Variants in MEGF11 observed in about 807,000 individuals in gnomAD.
MEGF11 encodes the protein multiple EGF like domains 11.
In MEGF11, 126 loss-of-function variants were observed where a neutral mutation model predicts 146.6. The ratio of observed to expected loss-of-function variants is 0.86; its 90% CI spans 0.74 to 1.00. The LOEUF (loss-of-function observed/expected upper bound fraction) is 1.00, where lower values mean the gene tolerates loss of function less well. MEGF11 is among the 50% of genes least tolerant of loss of function. The pLI is 0.00. For missense variants in MEGF11, 1,509 were observed against 1,521.2 expected, an observed-to-expected ratio of 0.99 and a Z score of 0.13; for synonymous variants, 532 against 583.4, an observed-to-expected ratio of 0.91 and a Z score of 1.27.
At chr15:66,223,531 T>G (rs2091782657) in intron 1 of MEGF11, among the ~76,000 whole-genome samples, 1 of 152,184 alleles carries the variant, frequency 6.6e-6, no homozygotes, top group South Asian at 2.1e-4. Flanking sequence ...GAGACCAGCC[T>G]GGCCAACATG....
chr15:66,236,361 C>A (rs1488234844), intron 1 of MEGF11, among the ~76,000 whole-genome samples: 1 of 152,164 alleles, frequency 6.6e-6, no homozygotes, highest in Non-Finnish European at 1.5e-5. Flanking sequence ...TTCCGACAGG[C>A]AGGGACATGG....
chr15:66,048,898 G>A (rs2084336702), intron 5 of MEGF11, among the ~76,000 whole-genome samples: 1 of 152,322 alleles, frequency 6.6e-6, no homozygotes, highest in East Asian at 1.9e-4. Flanking sequence ...AGGCAGCCTT[G>A]GGAAGGGCAC....
chr15:66,216,271 G>A (rs550407437), intron 1 of MEGF11, among the ~76,000 whole-genome samples: 1 of 152,270 alleles, frequency 6.6e-6, no homozygotes, highest in African/African-American at 2.4e-5. Flanking sequence ...ATTATGCACT[G>A]TCCAATCTTG....
At chr15:66,187,878 G>A (rs899079) in intron 1 of MEGF11, among the ~76,000 whole-genome samples, 1 of 152,072 alleles carries the variant, frequency 6.6e-6, no homozygotes, top group Non-Finnish European at 1.5e-5. Flanking sequence ...ATAACTGAAC[G>A]GTGGTTATGG....
At chr15:66,014,246 A>G (rs769157965) in intron 5 of MEGF11, among the ~76,000 whole-genome samples, 2 of 152,246 alleles carry the variant, frequency 1.3e-5, no homozygotes, top group Non-Finnish European at 2.9e-5. Flanking sequence ...TCACTGGATT[A>G]GGGCCCACAC....
intron 1 of MEGF11, among the ~76,000 whole-genome samples, chr15:66,166,208 G>A (rs898746710): frequency 1.3e-5 from 2 of 152,032 alleles, no homozygotes; most frequent in African/African-American, 4.8e-5. Context: ...TGCTCTCCCC[G>A]CCCAGGGTTT....
At chr15:66,181,552 T>C (rs1395385092) in intron 1 of MEGF11, among the ~76,000 whole-genome samples, 1 of 110,216 alleles carries the variant, frequency 9.1e-6, no homozygotes, top group African/African-American at 3.9e-5. Context: ...CCCAATTTCC[T>C]GAATACCAGG....
rs1248814365 is a variant in MEGF11 at position 65,930,909 on chromosome 15, G to T, written c.1322C>A (p.Thr441Asn). The change falls in exon 11 of 26, where the codon ACC becomes AAC. Residue 441 changes from threonine (T) to asparagine (N), a missense_variant. Thr to Asn is a moderately conservative substitution (Grantham distance 65). Coordinates refer to ENST00000395614, the MANE Select transcript of MEGF11 (RefSeq NM_001385028.1). ...GATGGACGAGCAGTTGGGGCCATAG[G>T]TCCCTGCTGCACAGGAAACGGCACA... ...EVCAVSCAAG[T>N]YGPNCSSICS... 1 of 1,610,704 alleles carries T rather than the reference G, an allele frequency of 6.2e-7. No homozygotes were observed. The highest frequency in any genetic ancestry group is 8.5e-7 in the Non-Finnish European group (1 of 1,178,058).
Position 66,060,014 on chromosome 15 carries a change from G to C in MEGF11, c.394+34388C>G, listed in dbSNP as rs369999895. Among the ~76,000 whole-genome samples the C allele has an allele frequency of 7.9e-5, 12 of 152,140 alleles. No homozygotes were observed. In the East Asian group the frequency reaches 1.9e-3, roughly 25 times the overall value. ...GGGACAGGTCAGGCAGTGGGTGGGG[G>C]AGCATTAGGATTGTGGGATGGGGGC... is the stretch of plus-strand genomic sequence containing the variant. On this transcript the variant is annotated intron_variant, in intron 5 of 25. Transcript: ENST00000395614.
intron 1 of MEGF11, among the ~76,000 whole-genome samples, chr15:66,217,044 T>C (rs1477697952): frequency 6.6e-6 from 1 of 152,244 alleles, no homozygotes; most frequent in Non-Finnish European, 1.5e-5. Flanking sequence ...AACTTCTCTT[T>C]CTGCTCCTTT....
intron 4 of MEGF11, among the ~76,000 whole-genome samples, chr15:66,114,945 C>T (rs1325087588): frequency 6.6e-6 from 1 of 152,210 alleles, no homozygotes; most frequent in Admixed American, 6.5e-5. Flanking sequence ...TGTTCCATCT[C>T]TTCCTCCTTC....
chr15:66,115,087 C>A (rs2087657312), intron 4 of MEGF11, among the ~76,000 whole-genome samples: 1 of 152,186 alleles, frequency 6.6e-6, no homozygotes, highest in African/African-American at 2.4e-5. Flanking sequence ...TGTCAGCCTG[C>A]AAGAAACAAG....
chr15:66,215,506 G>C (rs963164011), intron 1 of MEGF11, among the ~76,000 whole-genome samples: 4 of 152,182 alleles, frequency 2.6e-5, no homozygotes, highest in Non-Finnish European at 5.9e-5. Context: ...ATGACTGATA[G>C]TCTTGATGCA....
At chr15:66,167,593 C>T (rs943309797) in intron 1 of MEGF11, among the ~76,000 whole-genome samples, 2 of 151,926 alleles carry the variant, frequency 1.3e-5, no homozygotes, top group African/African-American at 4.8e-5. Context: ...TGCAGTGAGC[C>T]GAGATTGCGC....
intron 1 of MEGF11, among the ~76,000 whole-genome samples, chr15:66,166,077 C>G (rs1443539701): frequency 2.0e-5 from 3 of 152,166 alleles, no homozygotes; most frequent in African/African-American, 7.2e-5. Context: ...ATAGTTACAT[C>G]AGCAGGGCCC....
At position 66,128,322 on chromosome 15, in the gene MEGF11, A is replaced by G; in HGVS notation, c.82T>C (p.Cys28Arg). The change falls in exon 2 of 26, where the codon TGC (cysteine) becomes CGC (arginine). Residue 28 changes from cysteine to arginine, a missense_variant. Transcript: ENST00000395614. ...ACACCTTACCTCTCCCAGTGGCTGC[A>G]CACGTTGGGGTCCTCGGGGTTCAGG... is the stretch of plus-strand genomic sequence containing the variant. ...LALNPEDPNV[C>R]SHWESYAVTV... 2 of 1,518,650 alleles carry G rather than the reference A, an allele frequency of 1.3e-6. No individual in the cohort carries two copies. Among genetic ancestry groups the G allele is most frequent in the South Asian group, 2.5e-5 (2 of 78,950 alleles). The allele number at this position is 1,518,650 out of a possible 1,614,324, so 94.1% of individuals were successfully genotyped here.
intron 10 of MEGF11, among the ~76,000 whole-genome samples, chr15:65,935,065 A>G (rs1244921966): frequency 6.6e-6 from 1 of 152,132 alleles, no homozygotes; most frequent in East Asian, 1.9e-4. Flanking sequence ...TCAGGCCTGT[A>G]ATCCCAGCGC....
chr15:66,186,807 G>A (rs1247490202), intron 1 of MEGF11, among the ~76,000 whole-genome samples: 2 of 152,218 alleles, frequency 1.3e-5, no homozygotes, highest in Non-Finnish European at 2.9e-5. Context: ...CAGACATGAT[G>A]ATCCTCATTT....
chr15:66,197,652 GACCTCGTGATCCGCCCGCCTCA>G (rs1413198327), intron 1 of MEGF11, among the ~76,000 whole-genome samples: 1 of 152,074 alleles, frequency 6.6e-6, no homozygotes, highest in African/African-American at 2.4e-5. Flanking sequence ...TCAATCTCCT[GACCTCGTGATCCGCCCGCCTCA>G]ACCTCCCAAA....
Sources: allele counts gnomAD v4.1 joint callset (sites outside exome capture counted in the v4.1 genomes callset), GRCh38; gene constraint gnomAD v4.1.1; transcripts MANE v1.5; gene names NCBI Gene and HGNC (gene_info 2026-07-23, HGNC 2026-07-21).